SHLD2: variants seen among roughly 807,000 people sequenced by gnomAD.
The protein encoded by SHLD2 is shieldin complex subunit 2, also known as RINN1-REV7-interacting novel NHEJ regulator 2.
SHLD2 carries 30 observed loss-of-function variants against 73.2 expected under a neutral mutation model. That is an observed-to-expected ratio of 0.41 (90% CI 0.31 to 0.56). The LOEUF (loss-of-function observed/expected upper bound fraction) is 0.56. Ranked by LOEUF, SHLD2 falls within the 20% of genes least tolerant of loss-of-function variation. The probability of loss-of-function intolerance (pLI) is 0.28; values close to 1 mark genes in which losing one functional copy is unlikely to be tolerated. For synonymous variants in SHLD2, 285 were observed against 370.1 expected (o/e 0.77, Z 2.64); for missense variants, 745 against 1,055.9 (o/e 0.71, Z 4.08).
rs1218866541 is a variant in SHLD2, at chr10:87,180,302, A to G, written c.2398A>G (p.Arg800Gly). ...LPFTMKKIYY[R>G]PALMTAIDGR... is the part of the protein sequence containing the mutation. ...ATTTACTATGAAGAAAATATATTATAGGTAAGGCAACTAAGCAAGCCAATT... is the reference window on the plus strand; with the variant it reads ...ATTTACTATGAAGAAAATATATTATGGGTAAGGCAACTAAGCAAGCCAATT... Residue 800 changes from arginine to glycine, a missense_variant and splice_region_variant, in exon 8 of 10, where the codon AGG becomes GGG. This residue lies in a region of SHLD2 where 418 missense variants were observed against 567.8 expected (regional missense o/e 0.74). Transcript: ENST00000298786. The G allele has an allele frequency of 6.2e-7, 1 of 1,602,060 alleles. No individual in the cohort carries two copies. The highest frequency in any genetic ancestry group is 1.3e-5 in the African/African-American group (1 of 74,670).
At chr10:87,126,665 T>A (rs992672799) in intron 2 of SHLD2, among the ~76,000 whole-genome samples, 2 of 152,118 alleles carry the variant, frequency 1.3e-5, no homozygotes, top group African/African-American at 4.8e-5. Flanking sequence ...TTAGAAATAG[T>A]CTGAGTGATG....
intron 8 of SHLD2, among the ~76,000 whole-genome samples, chr10:87,185,919 G>C (rs1848590987): frequency 6.6e-6 from 1 of 152,090 alleles, no homozygotes; most frequent in South Asian, 2.1e-4. Flanking sequence ...TGTTGCCCAG[G>C]CTGGTCTCAA....
At chr10:87,122,320 G>C (rs1003864918) in intron 2 of SHLD2, among the ~76,000 whole-genome samples, 3 of 152,028 alleles carry the variant, frequency 2.0e-5, no homozygotes, top group African/African-American at 7.2e-5. Context: ...TTACTCTCCT[G>C]TATTAAAATT....
chr10:87,143,312 C>A (rs1208298024), intron 2 of SHLD2, among the ~76,000 whole-genome samples: 2 of 152,112 alleles, frequency 1.3e-5, no homozygotes, highest in African/African-American at 4.8e-5. Context: ...TTGAGGATTT[C>A]TTCTTCGACC....
At chr10:87,149,442 G>A (rs975194496) in intron 2 of SHLD2, among the ~76,000 whole-genome samples, 15 of 152,072 alleles carry the variant, frequency 9.9e-5, no homozygotes, top group East Asian at 3.9e-4. Context: ...AGAGGGTCTC[G>A]CCAGGCACGG....
chr10:87,144,188 C>G (rs1310886672), intron 2 of SHLD2, among the ~76,000 whole-genome samples: 3 of 152,004 alleles, frequency 2.0e-5, no homozygotes, highest in African/African-American at 7.3e-5. Flanking sequence ...GGCCAGAAAA[C>G]CAGCTAGAGT....
chr10:87,099,721 C>T (rs1021326954), intron 2 of SHLD2, among the ~76,000 whole-genome samples: 15 of 152,206 alleles, frequency 9.9e-5, no homozygotes, highest in Non-Finnish European at 2.2e-4. Flanking sequence ...AACTTTTCCA[C>T]AGTGGCTACA....
chr10:87,131,370 T>TGG (rs1793365245), intron 2 of SHLD2, among the ~76,000 whole-genome samples: 1 of 152,062 alleles, frequency 6.6e-6, no homozygotes. Context: ...CACTCCCCAT[T>TGG]CCCTCCCTCC....
At chr10:87,150,930 G>A (rs1333846953) in intron 2 of SHLD2, among the ~76,000 whole-genome samples, 14 of 151,880 alleles carry the variant, frequency 9.2e-5, no homozygotes, top group African/African-American at 2.9e-4. Flanking sequence ...GGGTTCAAGC[G>A]ATTCTTCTGC....
chr10:87,167,436 T>C (rs1226477383), intron 4 of SHLD2, among the ~76,000 whole-genome samples: 1 of 152,202 alleles, frequency 6.6e-6, no homozygotes, highest in East Asian at 1.9e-4. Context: ...ATATTGCAGT[T>C]GTTTTTCTTC....
intron 8 of SHLD2, among the ~76,000 whole-genome samples, chr10:87,185,098 T>C (rs1220958238): frequency 6.6e-6 from 1 of 152,158 alleles, no homozygotes; most frequent in African/African-American, 2.4e-5. Context: ...CCCCTCAACC[T>C]ATGGCAACTA....
At chr10:87,103,568 A>G (rs1842404306) in intron 2 of SHLD2, among the ~76,000 whole-genome samples, 1 of 152,208 alleles carries the variant, frequency 6.6e-6, no homozygotes, top group East Asian at 1.9e-4. Flanking sequence ...CAAAGTTTTC[A>G]GGAAAACTTT....
chr10:87,127,833 G>A (rs185440627), intron 2 of SHLD2, among the ~76,000 whole-genome samples: 4,479 of 151,822 alleles, frequency 0.03, 235 homozygotes, highest in African/African-American at 0.1. Context: ...GACAGACCAG[G>A]GAGCAGAAGC....
At chr10:87,129,074 TTTTG>T (rs1470837387) in intron 2 of SHLD2, among the ~76,000 whole-genome samples, 2 of 151,620 alleles carry the variant, frequency 1.3e-5, no homozygotes, top group Non-Finnish European at 2.9e-5. Context: ...CCAAGCCAAT[TTTTG>T]TTTTTTTGTT....
chr10:87,160,729 C>T (rs912819275), intron 4 of SHLD2, among the ~76,000 whole-genome samples: 2 of 152,194 alleles, frequency 1.3e-5, no homozygotes, highest in African/African-American at 4.8e-5. Context: ...GTGGCTCACG[C>T]CTGTAATCCC....
At chr10:87,114,852 G>T (rs1249513594) in intron 2 of SHLD2, among the ~76,000 whole-genome samples, 20 of 152,206 alleles carry the variant, frequency 1.3e-4, no homozygotes, top group Non-Finnish European at 2.6e-4. Context: ...GAGATAGTTT[G>T]ATATGAGAGG....
intron 8 of SHLD2, among the ~76,000 whole-genome samples, chr10:87,186,634 A>G (rs936634555): frequency 1.3e-5 from 2 of 149,494 alleles, no homozygotes; most frequent in African/African-American, 4.9e-5. Flanking sequence ...CATTCTTTTT[A>G]TCAGCTACAT....
intron 2 of SHLD2, among the ~76,000 whole-genome samples, chr10:87,123,216 A>G (rs570489973): frequency 5.1e-4 from 78 of 152,384 alleles, no homozygotes; most frequent in Non-Finnish European, 9.6e-4. Context: ...TTAAAGGGAT[A>G]CCAAAATAAT....
chr10:87,161,313 C>T (rs1241301438), intron 4 of SHLD2, among the ~76,000 whole-genome samples: 1 of 151,956 alleles, frequency 6.6e-6, no homozygotes, highest in Non-Finnish European at 1.5e-5. Flanking sequence ...TGGTGGCACC[C>T]ACCTGTGGTC....
Sources: allele counts gnomAD v4.1 joint callset (sites outside exome capture counted in the v4.1 genomes callset), GRCh38; gene constraint gnomAD v4.1.1; regional missense constraint gnomAD v4.1.1; transcripts MANE v1.5; gene names NCBI Gene and HGNC (gene_info 2026-07-23, HGNC 2026-07-21).